ATP1A2: variants seen among roughly 807,000 people sequenced by gnomAD.
ATP1A2 encodes the protein ATPase Na+/K+ transporting subunit alpha 2.
A neutral mutation model predicts 113.1 loss-of-function variants in ATP1A2; 56 were observed. That is an observed-to-expected ratio of 0.49 (90% CI 0.40 to 0.62). The LOEUF is 0.62. ATP1A2 is among the 20% of genes least tolerant of loss of function. The pLI is 0.00. For missense variants in ATP1A2, 712 were observed against 1,357.8 expected (o/e 0.52, Z 7.47); for synonymous variants, 490 against 526.8 (o/e 0.93, Z 0.96).
At chr1:160,138,574 G>A (rs545687524) in intron 20 of ATP1A2, among the ~76,000 whole-genome samples, 16 of 152,190 alleles carry the variant, frequency 1.1e-4, no homozygotes, top group Non-Finnish European at 1.6e-4. Flanking sequence ...GGGGACAGTG[G>A]TTCACACCTG....
chr1:160,124,370 G>A lies in ATP1A2; in HGVS notation c.570G>A (p.Glu190=). 1 of 1,612,950 alleles carries A rather than the reference G, an allele frequency of 6.2e-7. No individual in the cohort carries two copies. Among genetic ancestry groups the A allele is most frequent in the Non-Finnish European group, 8.5e-7 (1 of 1,179,636 alleles). The change falls in exon 6 of 23, where the codon GAG becomes GAA. Residue 190 remains glutamate (E), a synonymous_variant. Transcript: ENST00000361216. The part of the protein sequence containing the change: ...AEEVVVGDLV[E]VKGGDRVPAD... ...AAGTGGTGGTGGGAGACCTGGTGGA[G>A]GTGAAGGGTGGAGACCGCGTCCCTG...
In ATP1A2 at chr1:160,123,449, G is replaced by A. The variant is rs754567246; in HGVS notation, c.381+33G>A. ...CACACGCCCGACCCGGGAACAGCCCGTGACTGTCCTCCAACCCTGAACCCC... is the reference window on the plus strand; with the variant it reads ...CACACGCCCGACCCGGGAACAGCCCATGACTGTCCTCCAACCCTGAACCCC... On this transcript the variant is annotated intron_variant, in intron 4 of 22. Coordinates refer to ENST00000361216, the MANE Select transcript of ATP1A2 (RefSeq NM_000702.4). The A allele has an allele frequency of 6.8e-5, 109 of 1,613,482 alleles. No homozygotes were observed. The Admixed American group carries it at 1.1e-3, about 17-fold the overall frequency.
At chr1:160,128,617 C>T in intron 8 of ATP1A2, 35 bp from the exon 9 acceptor site, 1 of 1,614,042 alleles carries the variant, frequency 6.2e-7, no homozygotes, top group South Asian at 1.1e-5. Context: ...CCGGCTTCAG[C>T]CTTAACCTTT....
chr1:160,125,091 A>T (rs1254682834), intron 6 of ATP1A2, 45 bp from the exon 7 acceptor site: 2 of 1,523,740 alleles, frequency 1.3e-6, no homozygotes, highest in Non-Finnish European at 1.8e-6. Context: ...GTGTGCATAC[A>T]AGTGGCTCTG....
At chr1:160,133,263 G>GCCAA (rs2101992925) in intron 13 of ATP1A2, among the ~76,000 whole-genome samples, 1 of 152,230 alleles carries the variant, frequency 6.6e-6, no homozygotes, top group East Asian at 1.9e-4. Context: ...GGTCAAGTAG[G>GCCAA]ATGAGGACGG....
intron 20 of ATP1A2, among the ~76,000 whole-genome samples, chr1:160,139,347 C>G (rs1427383000): frequency 6.6e-6 from 1 of 152,088 alleles, no homozygotes; most frequent in African/African-American, 2.4e-5. Context: ...AGACAGGCCC[C>G]ATGTTGACCA....
chr1:160,142,128 C>T lies in ATP1A2; in HGVS notation c.*806C>T, dbSNP rs1002718850. 2.5e-4 allele frequency: 38 copies of T among 152,870 alleles called. No homozygotes were observed. The highest frequency in any genetic ancestry group is 7.5e-4 in the African/African-American group (31 of 41,470). 9.5% of individuals were successfully genotyped at this position (152,870 alleles called of 1,614,324 possible). A position where few individuals can be genotyped will look rare whatever the true frequency, so the allele number is the denominator to read the frequency against. ...CAATCAAGAGCTTCCAGAAATGCCA[C>T]ACTTGTGTGCCACAGAGTTCCCCGC... is the stretch of plus-strand genomic sequence containing the variant. On this transcript the variant is annotated 3_prime_UTR_variant, in exon 23 of 23. Coordinates refer to ENST00000361216, the MANE Select transcript of ATP1A2 (RefSeq NM_000702.4).
chr1:160,130,748 C>T, intron 13 of ATP1A2, 151 bp downstream of exon 13: 1 of 1,140,868 alleles, frequency 8.8e-7, no homozygotes, highest in Non-Finnish European at 1.2e-6. Flanking sequence ...AGGAAAGGCC[C>T]ACCCCTGCCT....
In ATP1A2 at chr1:160,123,086, C is replaced by G. The variant is rs533098899; in HGVS notation, c.178-127C>G. 1.8e-5 allele frequency: 19 copies of G among 1,080,918 alleles called. 1 individual carries two copies. The South Asian group carries it at 2.4e-4, about 14-fold the overall frequency. The allele number at this position is 1,080,918 out of a possible 1,614,324, so 67.0% of individuals were successfully genotyped here. On this transcript the variant is annotated intron_variant, in intron 3 of 22. Coordinates refer to ENST00000361216, the MANE Select transcript of ATP1A2 (RefSeq NM_000702.4). ...GTGGTCTCTCCTGATGGTCCCCCAC[C>G]CCTTCCAACCAGGTGGGACTTTCCT... is the stretch of plus-strand genomic sequence containing the variant.
At chr1:160,119,695 G>A (rs772341002) in intron 1 of ATP1A2, among the ~76,000 whole-genome samples, 2 of 152,054 alleles carry the variant, frequency 1.3e-5, no homozygotes, top group Non-Finnish European at 1.5e-5. Flanking sequence ...AGGGAAATCA[G>A]GAGCCTCATA....
rs201296747 is a variant in ATP1A2 at position 160,130,229 on chromosome 1, A to C, written c.1589A>C (p.Glu530Ala). ...VQGKEIPLDK[E>A]MQDAFQNAYM... ...GGCAAGGAGATCCCGCTCGACAAGG[A>C]GATGCAAGATGCCTTTCAAAATGCC... Residue 530 changes from glutamate to alanine, a missense_variant, in exon 12 of 23, where the codon GAG becomes GCG. Glu to Ala is a moderately radical substitution (Grantham distance 107). Coordinates refer to ENST00000361216, the MANE Select transcript of ATP1A2 (RefSeq NM_000702.4). 6.2e-7 allele frequency: 1 copy of C among 1,614,184 alleles called. No individual in the cohort carries two copies. Among genetic ancestry groups the C allele is most frequent in the South Asian group, 1.1e-5 (1 of 91,084 alleles).
At chr1:160,130,629 G>A (rs1221590753) in intron 13 of ATP1A2, 32 bp downstream of exon 13, 1 of 1,613,694 alleles carries the variant, frequency 6.2e-7, no homozygotes, top group South Asian at 1.1e-5. Context: ...CTCCATTCTA[G>A]CCTCCCCCAT....
In ATP1A2 at chr1:160,135,272, A is replaced by C. The variant is rs1306034054; in HGVS notation, c.2092A>C (p.Ile698Leu). 6.2e-7 allele frequency: 1 copy of C among 1,614,166 alleles called. No individual in the cohort carries two copies. Among genetic ancestry groups the C allele is most frequent in the Admixed American group, 1.7e-5 (1 of 60,028 alleles). The change falls in exon 15 of 23, where the codon ATT (isoleucine) becomes CTT (leucine). Residue 698 changes from isoleucine to leucine, a missense_variant. This residue lies in a region of ATP1A2 where 188 missense variants were observed against 438.9 expected (regional missense o/e 0.43). Coordinates refer to ENST00000361216, the MANE Select transcript of ATP1A2 (RefSeq NM_000702.4). The surrounding 1 kb of genome is among the most constrained non-coding windows in gnomAD (Gnocchi z 6.3). ...AACGTCTCCCCAGCAGAAGCTCATC[A>C]TTGTGGAGGGATGTCAGAGGCAGGT... ...ARTSPQQKLI[I>L]VEGCQRQGAI...
chr1:160,133,060 C>G (rs1055097699), intron 13 of ATP1A2, among the ~76,000 whole-genome samples: 1 of 151,914 alleles, frequency 6.6e-6, no homozygotes, highest in Non-Finnish European at 1.5e-5. Flanking sequence ...TGGAGAAGGT[C>G]GGTGTTTAAA....
intron 1 of ATP1A2, among the ~76,000 whole-genome samples, chr1:160,117,711 A>G (rs1337600849): frequency 1.3e-5 from 2 of 152,082 alleles, no homozygotes; most frequent in Middle Eastern, 3.2e-3. Flanking sequence ...GGCAGGCTTC[A>G]CTGTCCCCCC....
In ATP1A2 at chr1:160,125,122, T is replaced by G; in HGVS notation, c.631-14T>G. The G allele has an allele frequency of 1.2e-6, 2 of 1,611,590 alleles. No homozygotes were observed. The highest frequency in any genetic ancestry group is 1.7e-6 in the Non-Finnish European group (2 of 1,177,688). ...CTCTGCCAGTCTGATGACTATGCAC[T>G]CCTTCCTCCTCAGGTGGATAACTCA... On this transcript the variant is annotated splice_polypyrimidine_tract_variant and intron_variant, in intron 6 of 22. Transcript: ENST00000361216.
At position 160,134,585 on chromosome 1, in the gene ATP1A2, C is replaced by T; in HGVS notation, c.1929C>T (p.Ala643=). The T allele has an allele frequency of 6.2e-7, 1 of 1,614,212 alleles. No homozygotes were observed. Among genetic ancestry groups the T allele is most frequent in the Non-Finnish European group, 8.5e-7 (1 of 1,180,042 alleles). Residue 643 remains alanine (A), a synonymous_variant, in exon 14 of 23, where the codon GCC becomes GCT. Coordinates refer to ENST00000361216, the MANE Select transcript of ATP1A2 (RefSeq NM_000702.4). ...ACGAGACTGTGGAGGACATTGCAGCCCGGCTCAACATTCCCATGAGTCAAG... is the reference window on the plus strand; with the variant it reads ...ACGAGACTGTGGAGGACATTGCAGCTCGGCTCAACATTCCCATGAGTCAAG... ...EGNETVEDIA[A]RLNIPMSQVN...
At chr1:160,119,311 C>G (rs866734082) in intron 1 of ATP1A2, among the ~76,000 whole-genome samples, 17 of 145,142 alleles carry the variant, frequency 1.2e-4, no homozygotes, top group African/African-American at 4.4e-4. Context: ...GGACCCTACC[C>G]AGGTATCCAC....
chr1:160,140,011 A>C, intron 22 of ATP1A2, 27 bp downstream of exon 22: 1 of 1,607,804 alleles, frequency 6.2e-7, no homozygotes, highest in Non-Finnish European at 8.5e-7. Context: ...TCCCCCCAGC[A>C]AAGTGCAAGC....
Sources: gnomAD v4.1 joint callset for allele counts (sites outside exome capture counted in the v4.1 genomes callset) on GRCh38, gnomAD v4.1.1 for gene constraint, gnomAD v4.1.1 regional missense constraint, Gnocchi (gnomAD v3.1) non-coding constraint, MANE v1.5 for transcripts, NCBI Gene and HGNC (gene_info 2026-07-23, HGNC 2026-07-21) for gene names.